Variants in HYDIN observed in about 807,000 individuals in gnomAD.
HYDIN encodes axonemal central pair apparatus protein HYDIN.
A neutral mutation model predicts 403.9 loss-of-function variants in HYDIN; 132 were observed. The ratio of observed to expected loss-of-function variants is 0.33; its 90% CI spans 0.28 to 0.38. The LOEUF is 0.38. HYDIN is among the 10% of genes least tolerant of loss of function. The pLI, the probability that HYDIN is intolerant of heterozygous loss-of-function variation, is 1.00. For missense variants in HYDIN, 2,827 were observed against 5,009.5 expected (o/e 0.56, Z 13.15); for synonymous variants, 1,202 against 1,891.7 (o/e 0.64, Z 9.46).
In HYDIN at chr16:70,807,685, G is replaced by C. The variant is rs1332943204; in HGVS notation, c.15261C>G (p.Gly5087=). 1.9e-6 allele frequency: 3 copies of C among 1,614,138 alleles called. No individual in the cohort carries two copies. Among genetic ancestry groups the C allele is most frequent in the East Asian group, 4.5e-5 (2 of 44,864 alleles). ...ITVSFEGNPS[G]SKTPITTKLT... ...GCTTGGTGGTGATGGGGGTTTTGCT[G>C]CCAGATGGGTTTCCTTCAAAGGAGA... The change falls in exon 86 of 86, where the codon GGC becomes GGG. Residue 5087 remains glycine, a synonymous_variant. Coordinates refer to ENST00000393567, the MANE Select transcript of HYDIN (RefSeq NM_001270974.2).
intron 83 of HYDIN, among the ~76,000 whole-genome samples, chr16:70,819,981 T>A (rs1597036449): frequency 6.8e-6 from 1 of 147,080 alleles, no homozygotes; most frequent in South Asian, 2.1e-4. Context: ...CTAATTTTTT[T>A]TTTTTTTTTT....
At chr16:71,170,127 C>A (rs150066167) in intron 5 of HYDIN, among the ~76,000 whole-genome samples, 13 of 152,288 alleles carry the variant, frequency 8.5e-5, no homozygotes, top group African/African-American at 1.4e-4. Context: ...CATCCCTAAT[C>A]ACAACCCATC....
chr16:71,223,811 A>G (rs182608880), intron 1 of HYDIN, among the ~76,000 whole-genome samples: 1 of 152,320 alleles, frequency 6.6e-6, no homozygotes, highest in East Asian at 1.9e-4. Context: ...GCCATAATTA[A>G]AAAGTCAAAA....
At chr16:71,049,540 GAGA>G (rs1764650681) in intron 18 of HYDIN, among the ~76,000 whole-genome samples, 3 of 152,248 alleles carry the variant, frequency 2.0e-5, no homozygotes, top group Admixed American at 2.0e-4. Context: ...TGTGAGCACT[GAGA>G]AGGAGAAAGA....
At position 71,158,489 on chromosome 16, in the gene HYDIN, G is replaced by A. The variant is rs564768371; in HGVS notation, c.716+4042C>T. Among the ~76,000 whole-genome samples, 31 of 150,736 alleles carry A rather than the reference G, an allele frequency of 2.1e-4. No homozygotes were observed. The South Asian group carries it at 4.0e-3, about 19-fold the overall frequency. The stretch of plus-strand genomic sequence containing the variant: ...ACATTTACATGAATCTAAAATATAC[G>A]AAATTGCCATTTTGGCATGGTTTTT... On this transcript the variant is annotated intron_variant, in intron 6 of 85. Coordinates refer to ENST00000393567, the MANE Select transcript of HYDIN (RefSeq NM_001270974.2).
Position 70,938,732 on chromosome 16 carries a change from C to T in HYDIN, c.6877G>A (p.Glu2293Lys). ...QEERKHKGALEKEKERLQNMD... is the reference protein window; with the variant it reads ...QEERKHKGALKKEKERLQNMD... ...TTTTGGAGACGCTCCTTCTCTTTCT[C>T]AAGAGCTCCCTTGTGCTTGCGTTCT... Residue 2293 changes from glutamate (E) to lysine (K), a missense_variant, in exon 44 of 86, where the codon GAG becomes AAG. Glu to Lys is a moderately conservative substitution (Grantham distance 56, BLOSUM62 1). Transcript: ENST00000393567. The T allele has an allele frequency of 6.2e-7, 1 of 1,614,190 alleles. No individual in the cohort carries two copies. The highest frequency in any genetic ancestry group is 1.6e-4 in the Middle Eastern group (1 of 6,062).
chr16:71,201,782 C>T (rs925778718), intron 1 of HYDIN, among the ~76,000 whole-genome samples: 20 of 152,332 alleles, frequency 1.3e-4, no homozygotes, highest in African/African-American at 4.6e-4. Context: ...GATCCAGCCA[C>T]GAACTTCTGA....
At chr16:70,810,628 G>A (rs1597009993) in intron 84 of HYDIN, among the ~76,000 whole-genome samples, 2 of 152,160 alleles carry the variant, frequency 1.3e-5, no homozygotes, top group African/African-American at 4.8e-5. Flanking sequence ...TCAGGAGTTC[G>A]AAACCAGGCT....
chr16:70,811,532 T>G (rs1028365823), intron 84 of HYDIN: 9 of 150,922 alleles, frequency 6.0e-5, no homozygotes, highest in Admixed American at 2.0e-4. Context: ...TATAAGAATT[T>G]AGATAATTTT....
rs769143509 is a variant in HYDIN, at chr16:70,992,215, C to T, written c.3645-5G>A. On this transcript the variant is annotated splice_region_variant and splice_polypyrimidine_tract_variant and intron_variant, in intron 23 of 85. Coordinates refer to ENST00000393567, the MANE Select transcript of HYDIN (RefSeq NM_001270974.2). Reference sequence around the variant, plus strand: ...TTCTTCGGCAATGTCACAAACCTACCAAAGCATGGGACAGGGAATAGGGGG... The same window carrying T: ...TTCTTCGGCAATGTCACAAACCTACTAAAGCATGGGACAGGGAATAGGGGG... The T allele has an allele frequency of 6.4e-7, 1 of 1,566,772 alleles. No individual in the cohort carries two copies. The highest frequency in any genetic ancestry group is 1.9e-5 in the Admixed American group (1 of 52,078).
chr16:70,942,383 C>A (rs1157810399), intron 42 of HYDIN, among the ~76,000 whole-genome samples: 2 of 151,650 alleles, frequency 1.3e-5, no homozygotes, highest in Non-Finnish European at 2.9e-5. Flanking sequence ...AATGAACAAA[C>A]AAAAATGTTA....
chr16:71,028,372 C>T (rs1193245037), intron 19 of HYDIN, among the ~76,000 whole-genome samples: 1 of 151,888 alleles, frequency 6.6e-6, no homozygotes, highest in South Asian at 2.1e-4. Context: ...AGAACACCAC[C>T]GGGATTGGTC....
intron 75 of HYDIN, among the ~76,000 whole-genome samples, chr16:70,841,392 T>C (rs1338816375): frequency 2.0e-5 from 3 of 152,266 alleles, no homozygotes; most frequent in Non-Finnish European, 4.4e-5. Context: ...AGGTCCCTTC[T>C]GAAGCCACAA....
At chr16:71,102,213 C>G (rs1568155897) in intron 10 of HYDIN, among the ~76,000 whole-genome samples, 1 of 151,862 alleles carries the variant, frequency 6.6e-6, no homozygotes, top group Non-Finnish European at 1.5e-5. Flanking sequence ...CTGCAGGAAA[C>G]AGAAGGACAC....
chr16:71,101,123 GTTGTT>G (rs2083443415), intron 10 of HYDIN, among the ~76,000 whole-genome samples: 1 of 4,858 alleles, frequency 2.1e-4, no homozygotes, highest in South Asian at 3.2e-3. Context: ...ATAAATGTGT[GTTGTT>G]TTAAGTCACT....
intron 67 of HYDIN, among the ~76,000 whole-genome samples, chr16:70,864,117 GGTCAGGA>G (rs1345783492): frequency 6.6e-6 from 1 of 152,062 alleles, no homozygotes; most frequent in African/African-American, 2.4e-5. Flanking sequence ...GATCACCTGA[GGTCAGGA>G]GTTCGAGACC....
At chr16:70,978,853 A>T in intron 30 of HYDIN, 61 bp downstream of exon 30, 1 of 1,368,212 alleles carries the variant, frequency 7.3e-7, no homozygotes, top group Non-Finnish European at 1.0e-6. Flanking sequence ...CACAACTCCT[A>T]TGCACTCTGC....
At chr16:71,190,282 G>T (rs1159044447) in intron 1 of HYDIN, among the ~76,000 whole-genome samples, 1 of 151,706 alleles carries the variant, frequency 6.6e-6, no homozygotes, top group Admixed American at 6.6e-5. Context: ...AGCTACCAGG[G>T]TTGTCAGGGA....
intron 83 of HYDIN, among the ~76,000 whole-genome samples, chr16:70,824,659 C>T (rs2036475913): frequency 6.7e-6 from 1 of 150,372 alleles, no homozygotes; most frequent in Non-Finnish European, 1.5e-5. Flanking sequence ...TGGGGTTTCA[C>T]CATGTTGGCT....
Sources: allele counts gnomAD v4.1 joint callset (sites outside exome capture counted in the v4.1 genomes callset), GRCh38; gene constraint gnomAD v4.1.1; transcripts MANE v1.5; gene names NCBI Gene and HGNC (gene_info 2026-07-23, HGNC 2026-07-21).